RASGRF2: variants seen among roughly 807,000 people sequenced by gnomAD.
The protein encoded by RASGRF2 is Ras protein specific guanine nucleotide releasing factor 2, also known as ras-specific guanine nucleotide-releasing factor 2.
In RASGRF2, 76 loss-of-function variants were observed where a neutral mutation model predicts 151.0. The observed-to-expected ratio is 0.50, with a 90% CI of 0.42 to 0.61. RASGRF2 has a LOEUF of 0.61. Ranked by LOEUF, RASGRF2 falls within the 20% of genes least tolerant of loss-of-function variation. The pLI is 0.00. For synonymous variants in RASGRF2, 504 were observed against 566.5 expected (o/e 0.89, Z 1.57); for missense variants, 1,148 against 1,564.6 (o/e 0.73, Z 4.49).
intron 1 of RASGRF2, among the ~76,000 whole-genome samples, chr5:80,969,101 G>A (rs1195548499): frequency 1.4e-5 from 2 of 144,628 alleles, no homozygotes; most frequent in Admixed American, 1.4e-4. Context: ...CATTTACCCA[G>A]CTCCTCCAGC....
At chr5:80,990,753 G>C (rs764418350) in intron 1 of RASGRF2, among the ~76,000 whole-genome samples, 23 of 152,148 alleles carry the variant, frequency 1.5e-4, no homozygotes, top group Non-Finnish European at 3.1e-4. Flanking sequence ...ACTCCAGTGG[G>C]AATTCCTTGG....
chr5:81,094,220 A>G lies in RASGRF2; in HGVS notation c.1552-76A>G, dbSNP rs144885050. 1.5e-4 allele frequency: 172 copies of G among 1,176,610 alleles called. 1 individual carries two copies. The East Asian group carries it at 3.6e-3, about 24-fold the overall frequency. The allele number at this position is 1,176,610 out of a possible 1,614,324, so 72.9% of individuals were successfully genotyped here. A position where few individuals can be genotyped will look rare whatever the true frequency, so the allele number is the denominator to read the frequency against. On this transcript the variant is annotated intron_variant, in intron 10 of 26. Transcript: ENST00000265080. ...TGCTTTCTTCCATGGCAACTTGAAT[A>G]TAGTGTTTACAAATCAGAGCTTCCC...
rs562882625 is a variant in RASGRF2, at chr5:80,984,806, G to A, written c.288+23780G>A. Among the ~76,000 whole-genome samples, 4 of 152,196 alleles carry A rather than the reference G, an allele frequency of 2.6e-5. No homozygotes were observed. In the South Asian group the frequency reaches 8.3e-4, roughly 32 times the overall value. On this transcript the variant is annotated intron_variant, in intron 1 of 26. Transcript: ENST00000265080. ...TATAAAGATTGAGTACTTAAACTAT[G>A]GATTATCCACATAATTGTATTTTCA...
At chr5:81,090,352 A>G (rs909694185) in intron 9 of RASGRF2, among the ~76,000 whole-genome samples, 3 of 152,246 alleles carry the variant, frequency 2.0e-5, no homozygotes, top group South Asian at 2.1e-4. Flanking sequence ...AGAGAGACCG[A>G]TGACCAGGAT....
intron 2 of RASGRF2, among the ~76,000 whole-genome samples, chr5:81,044,608 C>CT (rs1750779629): frequency 1.3e-5 from 2 of 152,034 alleles, no homozygotes; most frequent in African/African-American, 4.8e-5. Context: ...ATGTACTTAT[C>CT]TTTTTTTATT....
In RASGRF2 at chr5:81,229,543, G is replaced by A. The variant is rs1018015022; in HGVS notation, c.*3773G>A. 6.6e-6 allele frequency: 1 copy of A among 152,338 alleles called. No individual in the cohort carries two copies. The highest frequency in any genetic ancestry group is 2.1e-4 in the South Asian group (1 of 4,826). The allele number at this position is 152,338 out of a possible 1,614,324, so 9.4% of individuals were successfully genotyped here. ...TTGTTGTAGGTATAAACACATGAAC[G>A]ATTCAGAAAATTATTCATCTCAGCT... On this transcript the variant is annotated 3_prime_UTR_variant, in exon 27 of 27. Transcript: ENST00000265080.
Position 81,050,515 on chromosome 5 carries a change from AG to A in RASGRF2, c.395+7534del, listed in dbSNP as rs1345546173. On this transcript the variant is annotated intron_variant, in intron 2 of 26. Transcript: ENST00000265080. The stretch of plus-strand genomic sequence containing the variant: ...GGGATGGAGTGAGCCAGTCCAAGCG[AG>A]GCCCCTCTGAGCTGACCTCTGCGAA... Among the ~76,000 whole-genome samples the A allele has an allele frequency of 1.2e-4, 18 of 152,178 alleles. No homozygotes were observed. In the East Asian group the frequency reaches 3.5e-3, roughly 29 times the overall value.
At chr5:81,189,766 C>T (rs10042175) in intron 18 of RASGRF2, among the ~76,000 whole-genome samples, 42,184 of 144,374 alleles carry the variant, frequency 0.29, 6,145 homozygotes, top group Middle Eastern at 0.44. Context: ...TGCTGGAGTT[C>T]AGTGGTGCAA....
At chr5:81,000,151 G>A (rs1321435872) in intron 1 of RASGRF2, among the ~76,000 whole-genome samples, 1 of 152,222 alleles carries the variant, frequency 6.6e-6, no homozygotes, top group Non-Finnish European at 1.5e-5. Flanking sequence ...CTGAAGGAAG[G>A]ACTTGCATAT....
At chr5:80,965,054 A>T (rs1747681062) in intron 1 of RASGRF2, among the ~76,000 whole-genome samples, 1 of 152,108 alleles carries the variant, frequency 6.6e-6, no homozygotes, top group African/African-American at 2.4e-5. Context: ...GGTTTAAAGA[A>T]GTAGACATTT....
intron 12 of RASGRF2, among the ~76,000 whole-genome samples, chr5:81,106,493 T>C (rs1048782449): frequency 7.2e-5 from 11 of 152,144 alleles, no homozygotes; most frequent in Non-Finnish European, 1.5e-4. Flanking sequence ...GCCTATAGGA[T>C]AAAATTAAAA....
chr5:80,963,458 A>G (rs1316162417), intron 1 of RASGRF2, among the ~76,000 whole-genome samples: 24 of 151,942 alleles, frequency 1.6e-4, no homozygotes, highest in Admixed American at 1.6e-3. Context: ...TTTTCTGTTA[A>G]TGAAATCTCT....
At chr5:81,060,685 C>G (rs1004418954) in intron 2 of RASGRF2, among the ~76,000 whole-genome samples, 1 of 152,068 alleles carries the variant, frequency 6.6e-6, no homozygotes, top group African/African-American at 2.4e-5. Flanking sequence ...AATTTGGACT[C>G]GCAGGAACCC....
At chr5:81,133,410 A>G (rs543171999) in intron 17 of RASGRF2, among the ~76,000 whole-genome samples, 1 of 152,350 alleles carries the variant, frequency 6.6e-6, no homozygotes, top group East Asian at 1.9e-4. Flanking sequence ...AGCTCTGCAT[A>G]AAGTAGAAAT....
chr5:81,225,831 T>G lies in RASGRF2; in HGVS notation c.*61T>G. On this transcript the variant is annotated 3_prime_UTR_variant, in exon 27 of 27. Coordinates refer to ENST00000265080, the MANE Select transcript of RASGRF2 (RefSeq NM_006909.3). Reference sequence around the variant, plus strand: ...ATGGAAAGCAGGACAGACAGAATTGTGTATGCCTTGCCTATCACGGTACAG... The same window carrying G: ...ATGGAAAGCAGGACAGACAGAATTGGGTATGCCTTGCCTATCACGGTACAG... 1 of 1,562,636 alleles carries G rather than the reference T, an allele frequency of 6.4e-7. No individual in the cohort carries two copies. The highest frequency in any genetic ancestry group is 8.7e-7 in the Non-Finnish European group (1 of 1,151,488).
At position 81,173,352 on chromosome 5, in the gene RASGRF2, T is replaced by C. The variant is rs146099179; in HGVS notation, c.2687-6823T>C. 2.6e-3 allele frequency among the ~76,000 whole-genome samples: 400 copies of C among 152,268 alleles called. 3 individuals are homozygous for C. Among genetic ancestry groups the C allele is most frequent in the African/African-American group, 9.3e-3 (385 of 41,548 alleles). On this transcript the variant is annotated intron_variant, in intron 17 of 26. Coordinates refer to ENST00000265080, the MANE Select transcript of RASGRF2 (RefSeq NM_006909.3). ...AAGATCGTGCCATTGCACTCCAGCC[T>C]AGGTGACAGAGCAAGATTCTGTCTC...
chr5:81,070,268 C>T (rs1164229008), intron 3 of RASGRF2: 4 of 430,496 alleles, frequency 9.3e-6, no homozygotes, highest in African/African-American at 6.0e-5. Context: ...GATCCCCGGT[C>T]ACACTTTACA....
chr5:81,124,574 A>G (rs187578211), intron 16 of RASGRF2, among the ~76,000 whole-genome samples: 53 of 152,294 alleles, frequency 3.5e-4, no homozygotes, highest in African/African-American at 1.1e-3. Flanking sequence ...ATGGGACCCC[A>G]GTCATCATTA....
At chr5:81,161,856 C>T (rs1754391524) in intron 17 of RASGRF2, among the ~76,000 whole-genome samples, 2 of 151,912 alleles carry the variant, frequency 1.3e-5, no homozygotes, top group African/African-American at 4.8e-5. Flanking sequence ...CAGCCTTTGT[C>T]CTGTATGCAT....
Sources: gnomAD v4.1 joint callset for allele counts (sites outside exome capture counted in the v4.1 genomes callset) on GRCh38, gnomAD v4.1.1 for gene constraint, MANE v1.5 for transcripts, NCBI Gene and HGNC (gene_info 2026-07-23, HGNC 2026-07-21) for gene names.